Variants in PKIG observed in about 807,000 individuals in gnomAD.
PKIG encodes protein kinase (cAMP-dependent, catalytic) inhibitor gamma.
A neutral mutation model predicts 6.8 loss-of-function variants in PKIG; 1 was observed. The ratio of observed to expected loss-of-function variants is 0.15; its 90% CI spans 0.05 to 0.69. PKIG has a LOEUF of 0.69. Ranked by LOEUF, PKIG falls within the 30% of genes least tolerant of loss-of-function variation. The pLI is 0.82. For missense variants in PKIG, 77 were observed against 104.0 expected (o/e 0.74, Z 1.13); for synonymous variants, 39 against 43.0 (o/e 0.91, Z 0.36).
chr20:44,608,188 A>G (rs1400328896), intron 2 of PKIG, among the ~76,000 whole-genome samples: 4 of 152,232 alleles, frequency 2.6e-5, no homozygotes, highest in Non-Finnish European at 4.4e-5. Flanking sequence ...ACATGCACAC[A>G]TAATCTAAAA....
intron 1 of PKIG, among the ~76,000 whole-genome samples, chr20:44,545,598 A>G (rs1473870703): frequency 1.3e-5 from 2 of 152,130 alleles, no homozygotes; most frequent in African/African-American, 2.4e-5. Flanking sequence ...AGGCAGGAAG[A>G]TTACTTGAGG....
At chr20:44,583,244 C>T (rs1281585772) in intron 1 of PKIG, among the ~76,000 whole-genome samples, 1 of 152,130 alleles carries the variant, frequency 6.6e-6, no homozygotes, top group Non-Finnish European at 1.5e-5. Flanking sequence ...CATATAAACC[C>T]AGTGCTGCAG....
At chr20:44,594,186 C>T (rs367850340) in intron 2 of PKIG, among the ~76,000 whole-genome samples, 3 of 152,140 alleles carry the variant, frequency 2.0e-5, no homozygotes, top group Non-Finnish European at 2.9e-5. Flanking sequence ...TACACCAAAA[C>T]GACTTCTTTA....
At chr20:44,603,581 A>G (rs373332588) in intron 2 of PKIG, among the ~76,000 whole-genome samples, 18 of 152,266 alleles carry the variant, frequency 1.2e-4, no homozygotes, top group African/African-American at 4.1e-4. Context: ...AGAGCTCTGG[A>G]CCGGGAGTTA....
At chr20:44,600,067 C>A (rs2065108315) in intron 2 of PKIG, among the ~76,000 whole-genome samples, 1 of 152,154 alleles carries the variant, frequency 6.6e-6, no homozygotes, top group South Asian at 2.1e-4. Context: ...ATCCATTTAT[C>A]CACTTAGGAG....
upstream of PKIG, among the ~76,000 whole-genome samples, chr20:44,579,207 A>G (rs941777278): frequency 6.6e-6 from 1 of 152,200 alleles, no homozygotes; most frequent in Non-Finnish European, 1.5e-5. Flanking sequence ...CCAACTAAAT[A>G]TGTGTCATCA....
At chr20:44,535,114 A>G (rs1458621212) in intron 1 of PKIG, among the ~76,000 whole-genome samples, 16 of 152,242 alleles carry the variant, frequency 1.1e-4, no homozygotes, top group Non-Finnish European at 4.4e-5. Flanking sequence ...GAGAACTGAC[A>G]ATAGCAACAT....
At chr20:44,566,255 A>G (rs1454506170) in intron 1 of PKIG, among the ~76,000 whole-genome samples, 2 of 152,188 alleles carry the variant, frequency 1.3e-5, no homozygotes, top group African/African-American at 4.8e-5. Context: ...CTGCTTTTGC[A>G]CTATAGTGGC....
chr20:44,537,906 G>A (rs1478908432), intron 1 of PKIG, among the ~76,000 whole-genome samples: 1 of 151,940 alleles, frequency 6.6e-6, no homozygotes, highest in Non-Finnish European at 1.5e-5. Context: ...TATACTTTCT[G>A]ACTTTAGTAG....
At chr20:44,584,261 C>T (rs930169654) in intron 1 of PKIG, among the ~76,000 whole-genome samples, 1 of 152,126 alleles carries the variant, frequency 6.6e-6, no homozygotes, top group African/African-American at 2.4e-5. Context: ...ACCTTCTCTG[C>T]GTGTCTGTCT....
chr20:44,597,484 A>G (rs1163027341), intron 2 of PKIG, among the ~76,000 whole-genome samples: 1 of 151,994 alleles, frequency 6.6e-6, no homozygotes, highest in Non-Finnish European at 1.5e-5. Flanking sequence ...GATCAGTGAA[A>G]TTTTTCTGAA....
intron 1 of PKIG, among the ~76,000 whole-genome samples, chr20:44,563,110 G>T (rs1056143666): frequency 6.6e-6 from 1 of 152,062 alleles, no homozygotes; most frequent in Non-Finnish European, 1.5e-5. Context: ...AAGACTACTA[G>T]CCCATCACTA....
intron 1 of PKIG, among the ~76,000 whole-genome samples, chr20:44,544,067 A>G (rs906375216): frequency 1.3e-5 from 2 of 149,924 alleles, no homozygotes; most frequent in Non-Finnish European, 3.0e-5. Context: ...TCCGCCTCAA[A>G]AAAAAAAAAA....
chr20:44,600,743 G>A (rs2065114998), intron 2 of PKIG, among the ~76,000 whole-genome samples: 2 of 151,972 alleles, frequency 1.3e-5, no homozygotes, highest in Non-Finnish European at 2.9e-5. Context: ...TTGTCCATGG[G>A]TGGTGAAGAA....
chr20:44,575,838 C>A (rs1453766953), intron 1 of PKIG, among the ~76,000 whole-genome samples: 3 of 152,120 alleles, frequency 2.0e-5, no homozygotes, highest in Non-Finnish European at 4.4e-5. Flanking sequence ...TGGCACAGGA[C>A]CTTCAGTGGA....
rs527957420 is a variant in PKIG at position 44,560,537 on chromosome 20, C to A, written c.-240-22048C>A. 2.6e-5 allele frequency among the ~76,000 whole-genome samples: 4 copies of A among 152,272 alleles called. No individual in the cohort carries two copies. The South Asian group carries it at 8.3e-4, about 32-fold the overall frequency. ...GAAGCATTTGCTGATCCCGAGAAAGCATTTTTTAGGTTAAGCTGTATTTTT... is the reference window on the plus strand; with the variant it reads ...GAAGCATTTGCTGATCCCGAGAAAGAATTTTTTAGGTTAAGCTGTATTTTT... On this transcript the variant is annotated intron_variant, in intron 1 of 4. Coordinates refer to the PKIG transcript ENST00000372887.
At chr20:44,548,014 C>T (rs775313614) in intron 1 of PKIG, among the ~76,000 whole-genome samples, 8 of 151,992 alleles carry the variant, frequency 5.3e-5, no homozygotes, top group Non-Finnish European at 1.0e-4. Flanking sequence ...CTCGTCTCTA[C>T]TAAAAATACA....
At chr20:44,594,820 C>T (rs1003563725) in intron 2 of PKIG, among the ~76,000 whole-genome samples, 6 of 152,218 alleles carry the variant, frequency 3.9e-5, no homozygotes, top group African/African-American at 1.4e-4. Context: ...CAGCACCTCT[C>T]TTAAGAGTCC....
Position 44,614,626 on chromosome 20 carries a change from C to G in PKIG, c.70C>G (p.Pro24Ala). ...CCGGACAGGCCGTCGGAATGCGGTCCCTGACATCCAGGGAGACTCAGAGGC... is the reference window on the plus strand; with the variant it reads ...CCGGACAGGCCGTCGGAATGCGGTCGCTGACATCCAGGGAGACTCAGAGGC... ...CDRTGRRNAV[P>A]DIQGDSEAVS... The change falls in exon 3 of 4, where the codon CCT (proline) becomes GCT (alanine). Residue 24 changes from proline to alanine, a missense_variant. Physicochemically the swap from Pro to Ala is conservative, Grantham distance 27. Coordinates refer to ENST00000372886, the MANE Select transcript of PKIG (RefSeq NM_001281445.2). The surrounding 1 kb of genome is among the most constrained non-coding windows in gnomAD (Gnocchi z 4.6). 3 of 1,614,116 alleles carry G rather than the reference C, an allele frequency of 1.9e-6. No individual in the cohort carries two copies. The highest frequency in any genetic ancestry group is 2.5e-6 in the Non-Finnish European group (3 of 1,180,024).
Sources: gnomAD v4.1 joint callset for allele counts (sites outside exome capture counted in the v4.1 genomes callset) on GRCh38, gnomAD v4.1.1 for gene constraint, Gnocchi (gnomAD v3.1) non-coding constraint, MANE v1.5 for transcripts, NCBI Gene and HGNC (gene_info 2026-07-23, HGNC 2026-07-21) for gene names.